Variants in CACNA1A observed in about 807,000 individuals in gnomAD.
The protein encoded by CACNA1A is calcium voltage-gated channel subunit alpha1 A.
A neutral mutation model predicts 262.4 loss-of-function variants in CACNA1A; 57 were observed. The observed-to-expected ratio is 0.22, with a 90% CI of 0.18 to 0.27. The LOEUF (loss-of-function observed/expected upper bound fraction) is 0.27, where lower values mean the gene tolerates loss of function less well. CACNA1A is among the 10% of genes least tolerant of loss of function. CACNA1A has a pLI of 1.00. For missense variants in CACNA1A, 2,526 were observed against 3,562.8 expected, an observed-to-expected ratio of 0.71 and a Z score of 7.41; for synonymous variants, 1,431 against 1,419.3, an observed-to-expected ratio of 1.01 and a Z score of -0.18.
At chr19:13,485,877 A>G (rs185504861) in intron 1 of CACNA1A, among the ~76,000 whole-genome samples, 65 of 152,334 alleles carry the variant, frequency 4.3e-4, no homozygotes, top group Non-Finnish European at 2.1e-4. Flanking sequence ...TGTGCTCCAG[A>G]GAGACCCCTG....
chr19:13,393,642 CT>C (rs1568602358), intron 3 of CACNA1A, among the ~76,000 whole-genome samples: 1 of 145,040 alleles, frequency 6.9e-6, no homozygotes. Flanking sequence ...TTAGCTTTCT[CT>C]TTCTTTCTCT....
chr19:13,392,806 G>C (rs1327535923), intron 3 of CACNA1A, among the ~76,000 whole-genome samples: 1 of 152,060 alleles, frequency 6.6e-6, no homozygotes, highest in African/African-American at 2.4e-5. Context: ...GAGTACAGTA[G>C]TGCAATCTCT....
chr19:13,220,044 G>C (rs2055167011), intron 38 of CACNA1A, among the ~76,000 whole-genome samples: 1 of 151,658 alleles, frequency 6.6e-6, no homozygotes, highest in Non-Finnish European at 1.5e-5. Flanking sequence ...GATCACCTGA[G>C]GTCAGGAGTT....
chr19:13,250,359 C>T (rs1164382312), intron 30 of CACNA1A, among the ~76,000 whole-genome samples: 1 of 151,336 alleles, frequency 6.6e-6, no homozygotes, highest in African/African-American at 2.4e-5. Context: ...CACACTCAGC[C>T]CCCAATTTTT....
At chr19:13,246,918 G>A (rs981138819) in intron 30 of CACNA1A, among the ~76,000 whole-genome samples, 1 of 152,254 alleles carries the variant, frequency 6.6e-6, no homozygotes, top group African/African-American at 2.4e-5. Flanking sequence ...GAGCCACCAC[G>A]CCTGGCCTCT....
Position 13,334,504 on chromosome 19 carries a change from A to G in CACNA1A, c.1083-11T>C, listed in dbSNP as rs777235021. ...TCTTTGGCAAACTCCCTGGAGAAGCATAGAAAAGCCAGAGTATGGCTGTTT... is the reference window on the plus strand; with the variant it reads ...TCTTTGGCAAACTCCCTGGAGAAGCGTAGAAAAGCCAGAGTATGGCTGTTT... On this transcript the variant is annotated splice_polypyrimidine_tract_variant and intron_variant, in intron 7 of 46. Coordinates refer to ENST00000360228, the MANE Select transcript of CACNA1A (RefSeq NM_001127222.2). 38 of 1,506,942 alleles carry G rather than the reference A, an allele frequency of 2.5e-5. No homozygotes were observed. Among genetic ancestry groups the G allele is most frequent in the Non-Finnish European group, 3.2e-5 (35 of 1,082,472 alleles). The allele number at this position is 1,506,942 out of a possible 1,614,324, so 93.3% of individuals were successfully genotyped here. A position where few individuals can be genotyped will look rare whatever the true frequency, so the allele number is the denominator to read the frequency against.
At chr19:13,363,547 T>G (rs1568573059) in intron 5 of CACNA1A, 1 of 150,066 alleles carries the variant, frequency 6.7e-6, no homozygotes, top group Non-Finnish European at 1.5e-5. Flanking sequence ...CTCCAACCAT[T>G]GCAAATAAAC....
chr19:13,501,791 A>C (rs978025900), intron 1 of CACNA1A, among the ~76,000 whole-genome samples: 1 of 152,196 alleles, frequency 6.6e-6, no homozygotes, highest in Non-Finnish European at 1.5e-5. Flanking sequence ...AAGTAGAATG[A>C]ATGAAAACTG....
At chr19:13,314,624 T>C (rs2058091551) in intron 11 of CACNA1A, among the ~76,000 whole-genome samples, 2 of 152,204 alleles carry the variant, frequency 1.3e-5, no homozygotes, top group South Asian at 4.1e-4. Flanking sequence ...TGCCTTGATC[T>C]TGGGCTTCCC....
At position 13,209,414 on chromosome 19, in the gene CACNA1A, G is replaced by A. The variant is rs867378853; in HGVS notation, c.6424C>T (p.Arg2142Trp). The change falls in exon 45 of 47, where the codon CGG becomes TGG. Residue 2142 changes from arginine (R) to tryptophan (W), a missense_variant. Physicochemically the swap from Arg to Trp is moderately radical, Grantham distance 101 (BLOSUM62 -3). Transcript: ENST00000360228. Reference protein sequence around the residue: ...ARRLDDYSLERVPPEENQRHH... With the variant: ...ARRLDDYSLEWVPPEENQRHH... ...CGCTGGTTCTCCTCGGGCGGGACCC[G>A]CTCCAGCGAGTAATCGTCCAGGCGT... is the stretch of plus-strand genomic sequence containing the variant. The A allele has an allele frequency of 6.5e-6, 9 of 1,392,234 alleles. No homozygotes were observed. The highest frequency in any genetic ancestry group is 7.5e-6 in the Non-Finnish European group (8 of 1,069,170). 86.2% of individuals were successfully genotyped at this position (1,392,234 alleles called of 1,614,324 possible).
In CACNA1A at chr19:13,206,765, G is replaced by A. The variant is rs774290959; in HGVS notation, c.*548C>T. ...AGCACTCTTGTGTGTGTCTGAGAAC[G>A]TGTGTGGGTGTGAGTGTGTCTGGTG... On this transcript the variant is annotated 3_prime_UTR_variant, in exon 47 of 47. Coordinates refer to ENST00000360228, the MANE Select transcript of CACNA1A (RefSeq NM_001127222.2). 25 of 154,018 alleles carry A rather than the reference G, an allele frequency of 1.6e-4. No homozygotes were observed. The highest frequency in any genetic ancestry group is 2.5e-4 in the Non-Finnish European group (17 of 68,226). 9.5% of individuals were successfully genotyped at this position (154,018 alleles called of 1,614,324 possible).
At chr19:13,262,060 A>G (rs1371994919) in intron 25 of CACNA1A, 1 of 162,802 alleles carries the variant, frequency 6.1e-6, no homozygotes, top group East Asian at 1.7e-4. Context: ...TTTCCATAAC[A>G]GTATCTGTTT....
At chr19:13,208,081 C>CA (rs746127481) in intron 46 of CACNA1A, 28 bp from the exon 47 acceptor site, 191 of 1,133,068 alleles carry the variant, frequency 1.7e-4, no homozygotes, top group South Asian at 9.8e-4. Context: ...CAAAGGAAAT[C>CA]AAAAAAAAAG....
chr19:13,433,931 T>C (rs2060566007), intron 3 of CACNA1A, among the ~76,000 whole-genome samples: 1 of 152,176 alleles, frequency 6.6e-6, no homozygotes, highest in Non-Finnish European at 1.5e-5. Context: ...CTCCATGTAT[T>C]GAGTGTGGCA....
intron 24 of CACNA1A, chr19:13,275,611 G>C: frequency 1.8e-6 from 1 of 547,134 alleles, no homozygotes; most frequent in Non-Finnish European, 3.3e-6. Context: ...GCTGAGGCCC[G>C]TTGCTGTGTG....
intron 6 of CACNA1A, among the ~76,000 whole-genome samples, chr19:13,344,057 TAAAAAA>T (rs1052643951): frequency 6.0e-5 from 9 of 150,140 alleles, no homozygotes; most frequent in Non-Finnish European, 1.3e-4. Flanking sequence ...AAAATAAAAA[TAAAAAA>T]ATTAGCTGGG....
chr19:13,384,744 A>G (rs1007205820), intron 3 of CACNA1A, among the ~76,000 whole-genome samples: 1 of 152,136 alleles, frequency 6.6e-6, no homozygotes, highest in African/African-American at 2.4e-5. Context: ...AAACACACAG[A>G]AATAAAGTAT....
intron 3 of CACNA1A, among the ~76,000 whole-genome samples, chr19:13,383,305 C>G (rs969904529): frequency 6.6e-6 from 1 of 152,106 alleles, no homozygotes; most frequent in African/African-American, 2.4e-5. Flanking sequence ...AGAGAGGTAT[C>G]AAGGGTGACT....
At chr19:13,218,704 G>A (rs1330635426) in intron 38 of CACNA1A, among the ~76,000 whole-genome samples, 2 of 152,080 alleles carry the variant, frequency 1.3e-5, no homozygotes, top group Admixed American at 6.6e-5. Context: ...TCAGCCTCTG[G>A]AGTAGCTGGG....
Sources: gnomAD v4.1 joint callset for allele counts (sites outside exome capture counted in the v4.1 genomes callset) on GRCh38, gnomAD v4.1.1 for gene constraint, MANE v1.5 for transcripts, NCBI Gene and HGNC (gene_info 2026-07-23, HGNC 2026-07-21) for gene names.